APPL2: variants seen among roughly 807,000 people sequenced by gnomAD.
APPL2 encodes DCC-interacting protein 13-beta.
A neutral mutation model predicts 92.7 loss-of-function variants in APPL2; 84 were observed. The observed-to-expected ratio is 0.91, with a 90% CI of 0.76 to 1.09. The LOEUF (loss-of-function observed/expected upper bound fraction) is 1.09. Ranked by LOEUF, APPL2 falls within the 50% of genes least tolerant of loss-of-function variation. The probability of loss-of-function intolerance (pLI) is 0.00; values close to 1 mark genes in which losing one functional copy is unlikely to be tolerated. For synonymous variants in APPL2, 291 were observed against 291.0 expected, an observed-to-expected ratio of 1.00 and a Z score of 0.00; for missense variants, 736 against 824.5, an observed-to-expected ratio of 0.89 and a Z score of 1.31.
At chr12:105,217,571 C>A in intron 3 of APPL2, 95 bp downstream of exon 3, 2 of 1,208,904 alleles carry the variant, frequency 1.7e-6, no homozygotes, top group Non-Finnish European at 2.4e-6. Context: ...GAAAATGAAA[C>A]AAATAATTTA....
intron 5 of APPL2, among the ~76,000 whole-genome samples, 179 bp downstream of exon 5, chr12:105,211,051 T>C (rs1052648999): frequency 6.6e-6 from 1 of 152,160 alleles, no homozygotes; most frequent in Admixed American, 6.5e-5. Context: ...TGGCCTGTGA[T>C]CTCCTTTAGG....
intron 17 of APPL2, among the ~76,000 whole-genome samples, chr12:105,187,969 GAA>G (rs796542192): frequency 2.2e-5 from 3 of 137,890 alleles, no homozygotes; most frequent in Non-Finnish European, 1.6e-5. Flanking sequence ...TCTCAGAAAT[GAA>G]AAAAAAAAAG....
At chr12:105,189,257 C>T (rs1886991133) in intron 16 of APPL2, among the ~76,000 whole-genome samples, 1 of 152,094 alleles carries the variant, frequency 6.6e-6, no homozygotes, top group Non-Finnish European at 1.5e-5. Context: ...TCTTGAACTC[C>T]TAAGCTCACG....
In APPL2 at chr12:105,197,957, T is replaced by C; in HGVS notation, c.864-4A>G. The C allele has an allele frequency of 6.2e-7, 1 of 1,612,266 alleles. No homozygotes were observed. Among genetic ancestry groups the C allele is most frequent in the Middle Eastern group, 1.7e-4 (1 of 6,050 alleles). Reference sequence around the variant, plus strand: ...GGTGGTGACCAGCCCTGTTTTGCTGTGAGTTGTGTTTTAAAAAGCCCATTA... The same window carrying C: ...GGTGGTGACCAGCCCTGTTTTGCTGCGAGTTGTGTTTTAAAAAGCCCATTA... On this transcript the variant is annotated splice_polypyrimidine_tract_variant and splice_region_variant and intron_variant, in intron 10 of 20. Coordinates refer to ENST00000258530, the MANE Select transcript of APPL2 (RefSeq NM_018171.5).
At position 105,229,196 on chromosome 12, in the gene APPL2, C is replaced by T; in HGVS notation, c.82G>A (p.Glu28Lys). Reference sequence around the variant, plus strand: ...TAGTCTGTGAGGGTGCCAGCATCTTCTTCAAACACGCTCAGTAAAGAGCGA... The same window carrying T: ...TAGTCTGTGAGGGTGCCAGCATCTTTTTCAAACACGCTCAGTAAAGAGCGA... ...QTRSLLSVFEEDAGTLTDYTN... is the reference protein window; with the variant it reads ...QTRSLLSVFEKDAGTLTDYTN... The change falls in exon 2 of 21, where the codon GAA (glutamate) becomes AAA (lysine). Residue 28 changes from glutamate (E) to lysine (K), a missense_variant. Transcript: ENST00000258530. 6.2e-7 allele frequency: 1 copy of T among 1,613,874 alleles called. No individual in the cohort carries two copies. Among genetic ancestry groups the T allele is most frequent in the Non-Finnish European group, 8.5e-7 (1 of 1,179,910 alleles).
chr12:105,174,655 G>A (rs1288678581), intron 20 of APPL2, among the ~76,000 whole-genome samples: 3 of 152,096 alleles, frequency 2.0e-5, no homozygotes, highest in African/African-American at 7.2e-5. Context: ...CCAAAATATT[G>A]TTTACGTAGT....
chr12:105,222,341 G>A (rs1037773904), intron 2 of APPL2, among the ~76,000 whole-genome samples: 5 of 152,050 alleles, frequency 3.3e-5, no homozygotes, highest in Admixed American at 1.3e-4. Context: ...AGATGAGGGG[G>A]ACTGATCAGG....
chr12:105,226,546 A>G (rs185877052), intron 2 of APPL2, among the ~76,000 whole-genome samples: 3 of 152,356 alleles, frequency 2.0e-5, no homozygotes, highest in Admixed American at 1.3e-4. Flanking sequence ...GATAACCCCA[A>G]GTAGATGATT....
intron 17 of APPL2, among the ~76,000 whole-genome samples, chr12:105,182,778 G>C (rs140496548): frequency 7.9e-4 from 120 of 152,276 alleles, no homozygotes; most frequent in Non-Finnish European, 1.4e-3. Context: ...AGTTCCACTT[G>C]GTCCAGAGCT....
chr12:105,197,783 G>A lies in APPL2; in HGVS notation c.1034C>T (p.Thr345Ile). ...CEDRRYCFQITTPNGKSGIIL... is the reference protein window; with the variant it reads ...CEDRRYCFQIITPNGKSGIIL... ...AACATACGATTTTCCATTGGGCGTG[G>A]TGATCTGGAAGCAGTAGCGCCGGTC... is the stretch of plus-strand genomic sequence containing the variant. The change falls in exon 11 of 21, where the codon ACC (threonine) becomes ATC (isoleucine). Residue 345 changes from threonine (T) to isoleucine (I), a missense_variant. Thr to Ile is a moderately conservative substitution (Grantham distance 89). Coordinates refer to ENST00000258530, the MANE Select transcript of APPL2 (RefSeq NM_018171.5). 2 of 1,614,216 alleles carry A rather than the reference G, an allele frequency of 1.2e-6. No individual in the cohort carries two copies. Among genetic ancestry groups the A allele is most frequent in the Non-Finnish European group, 1.7e-6 (2 of 1,180,052 alleles).
chr12:105,211,304 T>C lies in APPL2; in HGVS notation c.299A>G (p.His100Arg). The change falls in exon 5 of 21, where the codon CAT (histidine) becomes CGT (arginine). Residue 100 changes from histidine to arginine, a missense_variant. By Grantham distance (29) the His-to-Arg change is conservative. Transcript: ENST00000258530. ...TGCCAACTGTTTAGCCAGCTCTGTA[T>C]GGAGAAGATTAAGCTGAAAGAAAGA... ...SKVVDELNLLHTELAKQLADT... is the reference protein window; with the variant it reads ...SKVVDELNLLRTELAKQLADT... The C allele has an allele frequency of 6.2e-7, 1 of 1,611,974 alleles. No homozygotes were observed. Among genetic ancestry groups the C allele is most frequent in the Non-Finnish European group, 8.5e-7 (1 of 1,178,030 alleles).
At position 105,188,776 on chromosome 12, in the gene APPL2, C is replaced by T. The variant is rs188537898; in HGVS notation, c.1460-329G>A. On this transcript the variant is annotated intron_variant, in intron 16 of 20. Transcript: ENST00000258530. ...ACCTTTTCTCTGAAAAGAGTGAGTT[C>T]ACTAGACAATAGAAAATTCATTACT... Among the ~76,000 whole-genome samples the T allele has an allele frequency of 1.5e-3, 236 of 152,286 alleles. 1 individual carries two copies. Among genetic ancestry groups the T allele is most frequent in the African/African-American group, 5.4e-3 (226 of 41,562 alleles).
Position 105,195,464 on chromosome 12 carries a change from T to A in APPL2, c.1133A>T (p.Tyr378Phe). Residue 378 changes from tyrosine to phenylalanine, a missense_variant, in exon 13 of 21, where the codon TAC (tyrosine) becomes TTC (phenylalanine). Coordinates refer to ENST00000258530, the MANE Select transcript of APPL2 (RefSeq NM_018171.5). ...AATTACCTCAGGGTTGTCGGTCAGGTAGATCTGTCTGGAGATGTTGTTTAT... is the reference window on the plus strand; with the variant it reads ...AATTACCTCAGGGTTGTCGGTCAGGAAGATCTGTCTGGAGATGTTGTTTAT... Reference protein sequence around the residue: ...CAINNISRQIYLTDNPEAVAI... With the variant: ...CAINNISRQIFLTDNPEAVAI... The A allele has an allele frequency of 6.2e-7, 1 of 1,614,190 alleles. No individual in the cohort carries two copies. The highest frequency in any genetic ancestry group is 8.5e-7 in the Non-Finnish European group (1 of 1,180,036).
At chr12:105,192,617 G>A (rs1025891115) in intron 14 of APPL2, among the ~76,000 whole-genome samples, 9 of 152,140 alleles carry the variant, frequency 5.9e-5, no homozygotes, top group East Asian at 1.9e-4. Flanking sequence ...GAGTGGCTGC[G>A]TCTTGTCTTT....
At chr12:105,200,243 C>A (rs1328691276) in intron 9 of APPL2, among the ~76,000 whole-genome samples, 5 of 152,218 alleles carry the variant, frequency 3.3e-5, no homozygotes, top group African/African-American at 1.2e-4. Flanking sequence ...GCTGCTCACA[C>A]AGGCAGCCTA....
At chr12:105,184,054 A>G (rs1196220475) in intron 17 of APPL2, among the ~76,000 whole-genome samples, 2 of 152,096 alleles carry the variant, frequency 1.3e-5, no homozygotes, top group African/African-American at 2.4e-5. Context: ...CGATTTGACT[A>G]TTGATACTTG....
intron 14 of APPL2, 73 bp from the exon 15 acceptor site, chr12:105,190,228 G>C (rs1370664869): frequency 6.7e-7 from 1 of 1,484,306 alleles, no homozygotes; most frequent in African/African-American, 1.4e-5. Context: ...GAAGGCTGAG[G>C]TGACTTTTAT....
At chr12:105,220,535 T>C (rs1592828186) in intron 2 of APPL2, among the ~76,000 whole-genome samples, 1 of 152,144 alleles carries the variant, frequency 6.6e-6, no homozygotes, top group Non-Finnish European at 1.5e-5. Context: ...CCCAGGAGCT[T>C]CTACTCTTCT....
At chr12:105,186,676 T>TATCG (rs370255085) in intron 17 of APPL2, among the ~76,000 whole-genome samples, 56 of 32,794 alleles carry the variant, frequency 1.7e-3, no homozygotes, top group African/African-American at 4.5e-3. Flanking sequence ...ATATATATGA[T>TATCG]ATATCATATA....
Sources: allele counts gnomAD v4.1 joint callset (sites outside exome capture counted in the v4.1 genomes callset), GRCh38; gene constraint gnomAD v4.1.1; transcripts MANE v1.5; gene names NCBI Gene and HGNC (gene_info 2026-07-23, HGNC 2026-07-21).